Variants in APBB1IP observed in about 807,000 individuals in gnomAD.
APBB1IP encodes amyloid beta precursor protein binding family B member 1 interacting protein, also known as amyloid beta A4 precursor protein-binding family B member 1-interacting protein.
APBB1IP carries 27 observed loss-of-function variants against 64.9 expected under a neutral mutation model. The observed-to-expected ratio is 0.42, with a 90% CI of 0.31 to 0.57. The LOEUF is 0.57. APBB1IP is among the 20% of genes least tolerant of loss of function. The pLI is 0.20. For missense variants in APBB1IP, 812 were observed against 845.5 expected (o/e 0.96, Z 0.49); for synonymous variants, 392 against 331.0 (o/e 1.18, Z -2.00).
intron 2 of APBB1IP, among the ~76,000 whole-genome samples, chr10:26,474,900 T>G (rs1484424789): frequency 6.6e-6 from 1 of 152,262 alleles, no homozygotes; most frequent in Non-Finnish European, 1.5e-5. Context: ...AAGGTAGGTC[T>G]CAAGGCCATG....
In APBB1IP at chr10:26,525,486, CT is replaced by C. The variant is rs144298795; in HGVS notation, c.814-7948del. On this transcript the variant is annotated intron_variant, in intron 8 of 14. Transcript: ENST00000376236. ...TGCAATGGGTGAGGAAAAGGTAAGACTTTTTCTCCCCTACAGAGACTCTCTT... is the reference window on the plus strand; with the variant it reads ...TGCAATGGGTGAGGAAAAGGTAAGACTTTTCTCCCCTACAGAGACTCTCTT... Among the ~76,000 whole-genome samples the C allele has an allele frequency of 6.0e-3, 917 of 152,240 alleles. 8 individuals are homozygous for C. Among genetic ancestry groups the C allele is most frequent in the African/African-American group, 0.021 (870 of 41,530 alleles).
intron 2 of APBB1IP, among the ~76,000 whole-genome samples, chr10:26,468,865 T>C (rs1835678010): frequency 6.6e-6 from 1 of 152,144 alleles, no homozygotes; most frequent in Non-Finnish European, 1.5e-5. Context: ...CTGTTGCACC[T>C]TCTGTGGCTC....
At chr10:26,458,148 G>A (rs1352687624) in intron 2 of APBB1IP, among the ~76,000 whole-genome samples, 1 of 152,204 alleles carries the variant, frequency 6.6e-6, no homozygotes, top group Non-Finnish European at 1.5e-5. Context: ...CGCACTTTGG[G>A]AGGCCAAGGT....
At chr10:26,502,768 G>T (rs1244818039) in intron 5 of APBB1IP, among the ~76,000 whole-genome samples, 8 of 152,298 alleles carry the variant, frequency 5.3e-5, no homozygotes, top group Non-Finnish European at 1.2e-4. Context: ...TAATTTCAGG[G>T]AATGTTCAAA....
At chr10:26,452,151 C>CA (rs10633721) in intron 2 of APBB1IP, among the ~76,000 whole-genome samples, 112 of 151,430 alleles carry the variant, frequency 7.4e-4, no homozygotes, top group Middle Eastern at 3.4e-3. Flanking sequence ...TATTCTTAGA[C>CA]AAAAAAAAGT....
At position 26,484,305 on chromosome 10, in the gene APBB1IP, T is replaced by C. The variant is rs139786860; in HGVS notation, c.1-8022T>C. On this transcript the variant is annotated intron_variant, in intron 2 of 14. Transcript: ENST00000376236. ...TTGTTAGGACCACTTGTTTGTTTTG[T>C]TTTGTTTTGTTTTGTTTTGAGATGG... Among the ~76,000 whole-genome samples the C allele has an allele frequency of 1.1e-3, 169 of 152,162 alleles. 1 individual carries two copies. The East Asian group carries it at 0.027, about 24-fold the overall frequency.
intron 14 of APBB1IP, among the ~76,000 whole-genome samples, chr10:26,564,778 T>C (rs1328350158): frequency 1.3e-5 from 2 of 151,676 alleles, no homozygotes; most frequent in Non-Finnish European, 2.9e-5. Context: ...ACTCCAGCCG[T>C]GGTGACAGAA....
At chr10:26,501,844 C>A (rs1483898215) in intron 5 of APBB1IP, 1 of 152,126 alleles carries the variant, frequency 6.6e-6, no homozygotes, top group African/African-American at 2.4e-5. Context: ...TTGGTACTCA[C>A]AAATAAGACC....
intron 2 of APBB1IP, among the ~76,000 whole-genome samples, chr10:26,466,234 G>C (rs954721923): frequency 6.6e-6 from 1 of 152,190 alleles, no homozygotes; most frequent in South Asian, 2.1e-4. Flanking sequence ...CAGAAGGAAT[G>C]TCTGGAGAAT....
intron 11 of APBB1IP, among the ~76,000 whole-genome samples, chr10:26,545,640 G>A (rs1836751787): frequency 6.6e-6 from 1 of 151,956 alleles, no homozygotes; most frequent in South Asian, 2.1e-4. Context: ...GGCGCCTGTA[G>A]TCCCAGCTAC....
intron 8 of APBB1IP, among the ~76,000 whole-genome samples, chr10:26,525,435 G>A (rs759916573): frequency 3.3e-5 from 5 of 152,094 alleles, no homozygotes; most frequent in Non-Finnish European, 7.4e-5. Context: ...TCTCTCTCTT[G>A]TTCTAGGGGT....
intron 2 of APBB1IP, among the ~76,000 whole-genome samples, chr10:26,466,184 C>T (rs1374465497): frequency 1.3e-5 from 2 of 152,190 alleles, no homozygotes; most frequent in African/African-American, 2.4e-5. Flanking sequence ...ACAGCCCCTC[C>T]GGGTGTCCTG....
chr10:26,481,991 G>A (rs1835840374), intron 2 of APBB1IP, among the ~76,000 whole-genome samples: 1 of 151,938 alleles, frequency 6.6e-6, no homozygotes, highest in Non-Finnish European at 1.5e-5. Context: ...GGTAACTTTT[G>A]CCATGACAAT....
chr10:26,535,018 C>T (rs1275865096), intron 9 of APBB1IP, among the ~76,000 whole-genome samples: 1 of 151,954 alleles, frequency 6.6e-6, no homozygotes, highest in Non-Finnish European at 1.5e-5. Flanking sequence ...GTTTATTTTG[C>T]ATTTATGGAA....
At chr10:26,496,455 A>C (rs1281845939) in intron 4 of APBB1IP, 64 bp downstream of exon 4, 2 of 1,323,736 alleles carry the variant, frequency 1.5e-6, no homozygotes, top group East Asian at 4.7e-5. Flanking sequence ...AATCAGTATG[A>C]AACTATAATT....
At chr10:26,443,719 T>C (rs1835362103) in intron 2 of APBB1IP, among the ~76,000 whole-genome samples, 1 of 151,820 alleles carries the variant, frequency 6.6e-6, no homozygotes, top group South Asian at 2.1e-4. Flanking sequence ...AAAAATTTTG[T>C]AGAGACAGGG....
chr10:26,567,367 C>A lies in APBB1IP; in HGVS notation c.1880C>A (p.Pro627His). Reference protein sequence around the residue: ...ARPPPAVAKRPPVPPKRQENP... With the variant: ...ARPPPAVAKRHPVPPKRQENP... Reference sequence around the variant, plus strand: ...CCGCCCCCCGCGGTGGCCAAGAGGCCTCCTGTGCCCCCCAAGAGGCAAGAG... The same window carrying A: ...CCGCCCCCCGCGGTGGCCAAGAGGCATCCTGTGCCCCCCAAGAGGCAAGAG... Residue 627 changes from proline to histidine, a missense_variant, in exon 15 of 15, where the codon CCT becomes CAT. By Grantham distance (77) the Pro-to-His change is moderately conservative (BLOSUM62 -2). Coordinates refer to ENST00000376236, the MANE Select transcript of APBB1IP (RefSeq NM_019043.4). 1.9e-6 allele frequency: 3 copies of A among 1,555,846 alleles called. No homozygotes were observed. The highest frequency in any genetic ancestry group is 2.6e-6 in the Non-Finnish European group (3 of 1,145,752).
At chr10:26,450,416 G>A (rs4747562) in intron 2 of APBB1IP, among the ~76,000 whole-genome samples, 60,340 of 151,698 alleles carry the variant, frequency 0.4, 12,082 homozygotes, top group South Asian at 0.5. Context: ...CTTGTATTTT[G>A]ACATTTGAAA....
At chr10:26,441,975 A>T (rs893935685) in intron 2 of APBB1IP, among the ~76,000 whole-genome samples, 1 of 152,212 alleles carries the variant, frequency 6.6e-6, no homozygotes, top group Non-Finnish European at 1.5e-5. Flanking sequence ...AGGGTAAGAA[A>T]CTTACGCAGG....
Sources: gnomAD v4.1 joint callset for allele counts (sites outside exome capture counted in the v4.1 genomes callset) on GRCh38, gnomAD v4.1.1 for gene constraint, MANE v1.5 for transcripts, NCBI Gene and HGNC (gene_info 2026-07-23, HGNC 2026-07-21) for gene names.